Variants in GNAL observed in about 807,000 individuals in gnomAD.
GNAL encodes G protein subunit alpha L, also known as guanine nucleotide-binding protein G(olf) subunit alpha.
A neutral mutation model predicts 55.1 loss-of-function variants in GNAL; 18 were observed. The observed-to-expected ratio is 0.33, with a 90% CI of 0.23 to 0.48. The LOEUF (loss-of-function observed/expected upper bound fraction) is 0.48. GNAL is among the 20% of genes least tolerant of loss of function. GNAL has a pLI of 0.99. For missense variants in GNAL, 412 were observed against 614.1 expected, an observed-to-expected ratio of 0.67 and a Z score of 3.48; for synonymous variants, 253 against 237.0, an observed-to-expected ratio of 1.07 and a Z score of -0.62.
intron 5 of GNAL, among the ~76,000 whole-genome samples, chr18:11,825,531 G>A (rs1647560): frequency 0.68 from 103,147 of 151,358 alleles, 37,137 homozygotes; most frequent in Admixed American, 0.81. Flanking sequence ...AGGAGTTCGA[G>A]ACCAGCCTGG....
Position 11,725,500 on chromosome 18 carries a change from C to CGAAT in GNAL, c.377-27352_377-27349dup, listed in dbSNP as rs139619846. On this transcript the variant is annotated intron_variant, in intron 1 of 11. Transcript: ENST00000334049. ...GCTTTATTATGGCAGCTCTAGTAAA[C>CGAAT]GAATATATCATCCTTTTGGCTTTTC... Among the ~76,000 whole-genome samples, 746 of 152,206 alleles carry CGAAT rather than the reference C, an allele frequency of 4.9e-3. 3 individuals are homozygous for CGAAT. The highest frequency in any genetic ancestry group is 0.017 in the African/African-American group (695 of 41,534).
At chr18:11,863,590 A>G (rs567404905) in intron 6 of GNAL, among the ~76,000 whole-genome samples, 3 of 152,280 alleles carry the variant, frequency 2.0e-5, no homozygotes, top group Non-Finnish European at 4.4e-5. Context: ...ACCACCTCCC[A>G]TGTTCCAGAA....
At chr18:11,725,011 G>A (rs567161736) in intron 1 of GNAL, among the ~76,000 whole-genome samples, 31 of 152,276 alleles carry the variant, frequency 2.0e-4, no homozygotes, top group African/African-American at 5.3e-4. Flanking sequence ...GGCCCGAAGG[G>A]GAGAGCAGCT....
chr18:11,855,096 T>G (rs939796677), intron 5 of GNAL, among the ~76,000 whole-genome samples: 146 of 151,804 alleles, frequency 9.6e-4, no homozygotes, highest in African/African-American at 3.4e-3. Context: ...AATTTTTGTT[T>G]TTGTTGTTGT....
At chr18:11,793,197 C>G (rs796690987) in intron 4 of GNAL, among the ~76,000 whole-genome samples, 12 of 148,488 alleles carry the variant, frequency 8.1e-5, no homozygotes, top group African/African-American at 3.1e-4. Flanking sequence ...CATCAAAGGA[C>G]ATAAGAAAGC....
At position 11,825,431 on chromosome 18, in the gene GNAL, A is replaced by G. The variant is rs373825820; in HGVS notation, c.722+416A>G. On this transcript the variant is annotated intron_variant, in intron 5 of 11. Transcript: ENST00000334049. Reference sequence around the variant, plus strand: ...AAAGTAATGTGATCATTCTGTACACATTAGAAGTATACCAGAAGGCTGGGC... The same window carrying G: ...AAAGTAATGTGATCATTCTGTACACGTTAGAAGTATACCAGAAGGCTGGGC... 3.3e-5 allele frequency among the ~76,000 whole-genome samples: 5 copies of G among 152,176 alleles called. No individual in the cohort carries two copies. In the East Asian group the frequency reaches 9.6e-4, roughly 29 times the overall value.
intron 4 of GNAL, among the ~76,000 whole-genome samples, chr18:11,820,850 T>C (rs2035072178): frequency 6.6e-6 from 1 of 152,252 alleles, no homozygotes; most frequent in African/African-American, 2.4e-5. Context: ...GTTTCTTCAG[T>C]GTTATCTAAA....
chr18:11,869,438 C>T (rs1476245547), intron 9 of GNAL, among the ~76,000 whole-genome samples: 7 of 152,158 alleles, frequency 4.6e-5, no homozygotes, highest in East Asian at 1.9e-4. Flanking sequence ...CCACCGCACC[C>T]GGCCAATGTG....
rs1567912064 is a variant in GNAL at position 11,883,163 on chromosome 18, G to GAT, written c.*2028_*2029insAT. The GAT allele has an allele frequency of 1.3e-5, 2 of 151,874 alleles. No individual in the cohort carries two copies. The highest frequency in any genetic ancestry group is 4.8e-5 in the African/African-American group (2 of 41,286). 9.4% of individuals were successfully genotyped at this position (151,874 alleles called of 1,614,324 possible). On this transcript the variant is annotated 3_prime_UTR_variant, in exon 12 of 12. Coordinates refer to ENST00000334049, the MANE Select transcript of GNAL (RefSeq NM_182978.4). Reference sequence around the variant, plus strand: ...TAAATGCTACTTTTTCATGAAGAAAGGATAACTTTATAGACAGTCAGTGCA... The same window carrying GAT: ...TAAATGCTACTTTTTCATGAAGAAAGATGATAACTTTATAGACAGTCAGTGCA...
intron 1 of GNAL, among the ~76,000 whole-genome samples, chr18:11,703,665 G>C (rs866728277): frequency 6.6e-6 from 1 of 152,178 alleles, no homozygotes. Context: ...CATGGAGGAC[G>C]ATACTTAACT....
intron 5 of GNAL, chr18:11,851,440 G>A (rs2035862215): frequency 1.2e-5 from 18 of 1,450,870 alleles, no homozygotes; most frequent in Admixed American, 2.8e-5. Context: ...GGCCGGGAGC[G>A]GACTTACCTT....
intron 11 of GNAL, 34 bp downstream of exon 11, chr18:11,876,722 TC>T: frequency 1.7e-6 from 2 of 1,159,414 alleles, no homozygotes; most frequent in Non-Finnish European, 2.6e-6. Flanking sequence ...TTTTTCTACC[TC>T]CCTTCTTAAT....
intron 1 of GNAL, among the ~76,000 whole-genome samples, chr18:11,706,985 G>GTTTC (rs1420645500): frequency 6.6e-6 from 1 of 152,136 alleles, no homozygotes; most frequent in Non-Finnish European, 1.5e-5. Flanking sequence ...ATGGCATCTA[G>GTTTC]AATTGTGAAT....
At chr18:11,755,146 T>G (rs529331705) in intron 4 of GNAL, among the ~76,000 whole-genome samples, 3 of 152,172 alleles carry the variant, frequency 2.0e-5, no homozygotes, top group Non-Finnish European at 4.4e-5. Flanking sequence ...GAAACCAATA[T>G]GTAAAACAGA....
intron 4 of GNAL, among the ~76,000 whole-genome samples, chr18:11,797,871 A>G (rs938506615): frequency 2.0e-5 from 3 of 152,230 alleles, no homozygotes; most frequent in African/African-American, 7.2e-5. Context: ...CTAAAAAGTC[A>G]AACATTGATT....
chr18:11,867,901 G>C (rs1027300384), intron 8 of GNAL, among the ~76,000 whole-genome samples: 12 of 151,744 alleles, frequency 7.9e-5, no homozygotes, highest in African/African-American at 2.9e-4. Context: ...GGGGTGGGTG[G>C]ATCACCTGAG....
chr18:11,734,387 C>T (rs1163313338), intron 1 of GNAL, among the ~76,000 whole-genome samples: 2 of 152,060 alleles, frequency 1.3e-5, no homozygotes, highest in East Asian at 3.9e-4. Flanking sequence ...GTGATCCACC[C>T]GCCTTGGCCT....
chr18:11,825,074 T>G, intron 5 of GNAL, 59 bp downstream of exon 5: 13 of 848,362 alleles, frequency 1.5e-5, no homozygotes, highest in East Asian at 2.5e-5. Context: ...GCATGCATGA[T>G]TATGCTGCCT....
intron 4 of GNAL, among the ~76,000 whole-genome samples, chr18:11,799,928 T>C (rs557044059): frequency 6.6e-6 from 1 of 152,218 alleles, no homozygotes; most frequent in Admixed American, 6.6e-5. Flanking sequence ...TCACTGTCTT[T>C]CCCTCCCCCT....
Sources: allele counts gnomAD v4.1 joint callset (sites outside exome capture counted in the v4.1 genomes callset), GRCh38; gene constraint gnomAD v4.1.1; transcripts MANE v1.5; gene names NCBI Gene and HGNC (gene_info 2026-07-23, HGNC 2026-07-21).